DAB2IP: variants seen among roughly 807,000 people sequenced by gnomAD.
The protein encoded by DAB2IP is disabled homolog 2-interacting protein.
A neutral mutation model predicts 107.2 loss-of-function variants in DAB2IP; 28 were observed. The observed-to-expected ratio is 0.26, with a 90% CI of 0.19 to 0.36. DAB2IP has a LOEUF of 0.36. DAB2IP is among the 10% of genes least tolerant of loss of function. The pLI is 1.00. For synonymous variants in DAB2IP, 755 were observed against 706.4 expected (o/e 1.07, Z -1.09); for missense variants, 1,400 against 1,644.7 (o/e 0.85, Z 2.57).
At chr9:121,598,433 G>A (rs1202513311) in intron 1 of DAB2IP, 2 of 152,382 alleles carry the variant, frequency 1.3e-5, no homozygotes, top group East Asian at 1.9e-4. Context: ...GACCGACCAC[G>A]GAGGCGGAGG....
chr9:121,784,901 G>T (rs1835904525), exon 16 of DAB2IP: 1 of 152,516 alleles, frequency 6.6e-6, no homozygotes, highest in Non-Finnish European at 1.5e-5. Flanking sequence ...CAGAGAACCT[G>T]AGTTCCCGGG....
In DAB2IP at chr9:121,699,388, C is replaced by T. The variant is rs1213451421; in HGVS notation, c.292C>T (p.Arg98Cys). Reference sequence around the variant, plus strand: ...CACCAAGAGCCAGCCCAAGCTGGACCGCAACCACAGCTTCCGCCACATCCT... The same window carrying T: ...CACCAAGAGCCAGCCCAAGCTGGACTGCAACCACAGCTTCCGCCACATCCT... Residue 98 changes from arginine to cysteine, a missense_variant, in exon 3 of 16, where the codon CGC becomes TGC. Arg to Cys is a radical substitution (Grantham distance 180). Coordinates refer to ENST00000408936, the Ensembl canonical transcript of DAB2IP. This position sits in a 1 kb window ranked among gnomAD's most constrained non-coding sequence, Gnocchi z 6.2. 2 of 1,481,156 alleles carry T rather than the reference C, an allele frequency of 1.4e-6. No homozygotes were observed. Among genetic ancestry groups the T allele is most frequent in the African/African-American group, 1.5e-5 (1 of 68,438 alleles). 91.8% of individuals were successfully genotyped at this position (1,481,156 alleles called of 1,614,324 possible). A position where few individuals can be genotyped will look rare whatever the true frequency, so the allele number is the denominator to read the frequency against.
intron 3 of DAB2IP, among the ~76,000 whole-genome samples, chr9:121,716,828 C>G (rs1035367857): frequency 6.6e-6 from 1 of 152,198 alleles, no homozygotes; most frequent in Non-Finnish European, 1.5e-5. Context: ...CAGTGCCACA[C>G]GTTTCCCATG....
chr9:121,593,484 C>T lies in DAB2IP; in HGVS notation c.40+26256C>T, dbSNP rs148553076. Among the ~76,000 whole-genome samples, 1,353 of 152,204 alleles carry T rather than the reference C, an allele frequency of 8.9e-3. 13 individuals are homozygous for T. Among genetic ancestry groups the T allele is most frequent in the Middle Eastern group, 0.017 (5 of 294 alleles). The stretch of plus-strand genomic sequence containing the variant: ...ATGGGGTCTTGCCATGTTGCCCAGG[C>T]TGGTCTTGAACTCTTGGGCTCAAGC... On this transcript the variant is annotated intron_variant, in intron 1 of 16. Coordinates refer to the DAB2IP transcript ENST00000259371.
chr9:121,651,194 A>G (rs1421140371), upstream of DAB2IP, among the ~76,000 whole-genome samples: 1 of 152,258 alleles, frequency 6.6e-6, no homozygotes, highest in Non-Finnish European at 1.5e-5. The surrounding 1 kb of genome is among the most constrained non-coding windows in gnomAD (Gnocchi z 5.1). Context: ...AGTATCCTGC[A>G]TCACAGGGGA....
At chr9:121,742,050 T>G (rs980105325) in intron 3 of DAB2IP, among the ~76,000 whole-genome samples, 1 of 151,914 alleles carries the variant, frequency 6.6e-6, no homozygotes, top group Non-Finnish European at 1.5e-5. Flanking sequence ...AGAAACAGAG[T>G]GAGGGTGCTA....
At chr9:121,661,667 A>G (rs1564141026) in intron 1 of DAB2IP, among the ~76,000 whole-genome samples, 1 of 152,130 alleles carries the variant, frequency 6.6e-6, no homozygotes. Flanking sequence ...CTCCATCTAC[A>G]TGAAACAACA....
chr9:121,605,537 C>G (rs1830839993), intron 1 of DAB2IP, among the ~76,000 whole-genome samples: 1 of 152,012 alleles, frequency 6.6e-6, no homozygotes, highest in South Asian at 2.1e-4. Flanking sequence ...CTCACTCTGT[C>G]ACTCATGCTG....
chr9:121,741,486 G>A (rs941978975), intron 3 of DAB2IP, among the ~76,000 whole-genome samples: 7 of 152,104 alleles, frequency 4.6e-5, no homozygotes, highest in Admixed American at 3.3e-4. Flanking sequence ...TACTCACCCA[G>A]CAGACTTGCT....
rs1832059155 is a variant in DAB2IP at position 121,635,606 on chromosome 9, C to G, written c.41-43072C>G. On this transcript the variant is annotated intron_variant, in intron 1 of 16. Coordinates refer to the DAB2IP transcript ENST00000259371. This position sits in a 1 kb window ranked among gnomAD's most constrained non-coding sequence, Gnocchi z 4.3. ...CACCTGAGAGAGAGGTTAGGAAGCA[C>G]CAGGGCAACCACAGGAAGGAGGGGC... Among the ~76,000 whole-genome samples the G allele has an allele frequency of 6.6e-6, 1 of 152,118 alleles. No homozygotes were observed. Among genetic ancestry groups the G allele is most frequent in the African/African-American group, 2.4e-5 (1 of 41,406 alleles).
chr9:121,735,485 G>A (rs1831833226), intron 3 of DAB2IP, among the ~76,000 whole-genome samples: 1 of 152,202 alleles, frequency 6.6e-6, no homozygotes, highest in Admixed American at 6.5e-5. Context: ...AAACAGTGGC[G>A]CAGGCTGCAA....
chr9:121,644,467 C>T (rs1451981646), intron 1 of DAB2IP, among the ~76,000 whole-genome samples: 1 of 152,024 alleles, frequency 6.6e-6, no homozygotes, highest in African/African-American at 2.4e-5. Context: ...CGTGGTGACA[C>T]ACGCCTGTAA....
chr9:121,617,517 G>A (rs554761837), intron 1 of DAB2IP, among the ~76,000 whole-genome samples: 8 of 152,140 alleles, frequency 5.3e-5, no homozygotes, highest in East Asian at 1.9e-4. Context: ...AGCGGTTTCC[G>A]TGGAGTCTCT....
rs759793746 is a variant in DAB2IP at position 121,776,881 on chromosome 9, T to G, written c.3314+490T>G. ...GGGTACCAGTTACTGAGCTGGGAAC[T>G]GTTAAGAGGAGTGGTTTGAGTGGGG... On this transcript the variant is annotated intron_variant, in intron 14 of 15. Coordinates refer to ENST00000408936, the Ensembl canonical transcript of DAB2IP. The surrounding 1 kb of genome is among the most constrained non-coding windows in gnomAD (Gnocchi z 5.4). 3.3e-5 allele frequency among the ~76,000 whole-genome samples: 5 copies of G among 152,128 alleles called. No homozygotes were observed. Among genetic ancestry groups the G allele is most frequent in the Admixed American group, 6.5e-5 (1 of 15,286 alleles).
intron 1 of DAB2IP, among the ~76,000 whole-genome samples, chr9:121,641,928 T>TC (rs1832316258): frequency 6.8e-6 from 1 of 147,208 alleles, no homozygotes; most frequent in Non-Finnish European, 1.5e-5. Context: ...TTTCTTTCTT[T>TC]CTTTCTTTCT....
chr9:121,745,114 G>A (rs938977096), intron 3 of DAB2IP, among the ~76,000 whole-genome samples: 3 of 152,200 alleles, frequency 2.0e-5, no homozygotes, highest in Non-Finnish European at 2.9e-5. Flanking sequence ...AAGGGCAGAC[G>A]GTGAAGTCTG....
intron 3 of DAB2IP, among the ~76,000 whole-genome samples, chr9:121,727,927 C>T (rs1831323724): frequency 6.6e-6 from 1 of 152,158 alleles, no homozygotes; most frequent in Non-Finnish European, 1.5e-5. Flanking sequence ...CACCCATCAT[C>T]CTTTGCATGC....
rs1186892297 is a variant in DAB2IP at position 121,698,463 on chromosome 9, G to C, written c.229-862G>C. Among the ~76,000 whole-genome samples, 2 of 152,212 alleles carry C rather than the reference G, an allele frequency of 1.3e-5. No homozygotes were observed. Among genetic ancestry groups the C allele is most frequent in the Non-Finnish European group, 2.9e-5 (2 of 68,042 alleles). On this transcript the variant is annotated intron_variant, in intron 2 of 15. Transcript: ENST00000408936. This position sits in a 1 kb window ranked among gnomAD's most constrained non-coding sequence, Gnocchi z 4.1. ...GGTGGGGGATTAAGCTCTGTTTTCA[G>C]TCAGTGCAACCTGTTAGGTGGATAA...
chr9:121,607,500 G>T (rs1192970117), intron 1 of DAB2IP, among the ~76,000 whole-genome samples: 1 of 151,864 alleles, frequency 6.6e-6, no homozygotes, highest in East Asian at 1.9e-4. Context: ...ATGGGGTCTT[G>T]CTGTGTTGTC....
Sources: allele counts gnomAD v4.1 joint callset (sites outside exome capture counted in the v4.1 genomes callset), GRCh38; gene constraint gnomAD v4.1.1; non-coding constraint Gnocchi (gnomAD v3.1); transcripts MANE v1.5; gene names NCBI Gene and HGNC (gene_info 2026-07-23, HGNC 2026-07-21).